TIAM2: variants seen among roughly 807,000 people sequenced by gnomAD.
TIAM2 encodes rho guanine nucleotide exchange factor TIAM2.
A neutral mutation model predicts 152.9 loss-of-function variants in TIAM2; 80 were observed. That is an observed-to-expected ratio of 0.52 (90% CI 0.44 to 0.63). TIAM2 has a LOEUF of 0.63. Ranked by LOEUF, TIAM2 falls within the 30% of genes least tolerant of loss-of-function variation. TIAM2 has a pLI of 0.00. For synonymous variants in TIAM2, 804 were observed against 838.0 expected, an observed-to-expected ratio of 0.96 and a Z score of 0.70; for missense variants, 1,965 against 2,120.1, an observed-to-expected ratio of 0.93 and a Z score of 1.44.
chr6:155,078,783 C>G (rs1024932017), intron 1 of TIAM2, among the ~76,000 whole-genome samples: 20 of 152,142 alleles, frequency 1.3e-4, no homozygotes, highest in Admixed American at 6.5e-5. Context: ...AAGTAGATTC[C>G]ACACACTCTT....
intron 14 of TIAM2, among the ~76,000 whole-genome samples, chr6:155,202,930 A>G (rs1009249551): frequency 2.0e-5 from 3 of 150,946 alleles, no homozygotes; most frequent in Admixed American, 2.0e-4. Context: ...GCATGCACCC[A>G]TAGTTCCAGC....
chr6:155,084,438 G>A (rs891183898), intron 1 of TIAM2, among the ~76,000 whole-genome samples: 1 of 152,182 alleles, frequency 6.6e-6, no homozygotes, highest in Non-Finnish European at 1.5e-5. Context: ...TTGTATCCTT[G>A]AGTTTTGTCA....
At chr6:155,053,888 A>G (rs1474255808) in intron 1 of TIAM2, among the ~76,000 whole-genome samples, 1 of 152,176 alleles carries the variant, frequency 6.6e-6, no homozygotes, top group Non-Finnish European at 1.5e-5. Context: ...GCATTAAAAC[A>G]CTGTTAGGGT....
At chr6:155,151,586 T>C (rs1290221317) in intron 7 of TIAM2, among the ~76,000 whole-genome samples, 1 of 152,166 alleles carries the variant, frequency 6.6e-6, no homozygotes, top group East Asian at 1.9e-4. Context: ...TATTTTATAC[T>C]CTGCTTTCAG....
At chr6:155,205,628 G>T (rs1170917639) in intron 14 of TIAM2, among the ~76,000 whole-genome samples, 2 of 152,162 alleles carry the variant, frequency 1.3e-5, no homozygotes. Flanking sequence ...GGGATTATGG[G>T]ATGGCATCAG....
chr6:155,257,030 C>G lies in TIAM2; in HGVS notation c.5015C>G (p.Ser1672Cys). 1 of 1,614,192 alleles carries G rather than the reference C, an allele frequency of 6.2e-7. No homozygotes were observed. Among genetic ancestry groups the G allele is most frequent in the Non-Finnish European group, 8.5e-7 (1 of 1,180,034 alleles). ...GAAAATGCCACCATCGACCTAAATTCTGTTCTAGAGCGAGAATTCAGTGTC... is the reference window on the plus strand; with the variant it reads ...GAAAATGCCACCATCGACCTAAATTGTGTTCTAGAGCGAGAATTCAGTGTC... ...QSENATIDLN[S>C]VLEREFSVQS... Residue 1672 changes from serine to cysteine, a missense_variant, in exon 27 of 27, where the codon TCT (serine) becomes TGT (cysteine). Around this residue, in one of 3 missense-constraint regions of TIAM2, gnomAD observed 935 missense variants for 980.0 expected, o/e 0.95. Coordinates refer to ENST00000682666, the MANE Select transcript of TIAM2 (RefSeq NM_012454.4).
intron 15 of TIAM2, among the ~76,000 whole-genome samples, chr6:155,223,756 G>C (rs940760962): frequency 1.3e-5 from 2 of 152,078 alleles, no homozygotes; most frequent in Non-Finnish European, 2.9e-5. Flanking sequence ...GGACTAGGAG[G>C]GGTGTTTTTT....
chr6:155,086,582 C>T (rs538151967), intron 1 of TIAM2, among the ~76,000 whole-genome samples: 11 of 151,888 alleles, frequency 7.2e-5, no homozygotes, highest in Non-Finnish European at 1.2e-4. Context: ...TGGCGTGCAC[C>T]TGTAATCCCG....
chr6:155,209,614 G>A (rs1172338848), intron 14 of TIAM2, among the ~76,000 whole-genome samples: 1 of 152,118 alleles, frequency 6.6e-6, no homozygotes, highest in African/African-American at 2.4e-5. Flanking sequence ...TGCCTTTCGG[G>A]TCAGCACTGC....
At chr6:155,134,984 C>A (rs1055866426) in intron 4 of TIAM2, among the ~76,000 whole-genome samples, 1 of 152,012 alleles carries the variant, frequency 6.6e-6, no homozygotes. Flanking sequence ...GGATTACAGG[C>A]GTGAGCCACC....
At chr6:155,252,832 C>A in intron 23 of TIAM2, 116 bp from the exon 24 acceptor site, 3 of 877,386 alleles carry the variant, frequency 3.4e-6, no homozygotes, top group South Asian at 3.2e-5. Context: ...TGAACACCCA[C>A]ATGGCTGCTC....
intron 1 of TIAM2, chr6:155,013,698 T>C (rs1430966185): frequency 6.6e-6 from 1 of 152,070 alleles, no homozygotes; most frequent in Non-Finnish European, 1.5e-5. Context: ...CTGACAGCTG[T>C]TTAAATTATC....
intron 1 of TIAM2, among the ~76,000 whole-genome samples, chr6:155,053,508 G>T (rs556690677): frequency 7.4e-6 from 1 of 134,586 alleles, no homozygotes; most frequent in African/African-American, 2.8e-5. Flanking sequence ...GTCTTGCCCC[G>T]TCGTCCAGGC....
At chr6:155,212,533 CAATGAT>C (rs921394745) in intron 15 of TIAM2, among the ~76,000 whole-genome samples, 27 of 152,304 alleles carry the variant, frequency 1.8e-4, no homozygotes, top group African/African-American at 5.8e-4. Flanking sequence ...GAAATAGAAG[CAATGAT>C]AGGCATTTAA....
intron 3 of TIAM2, among the ~76,000 whole-genome samples, 191 bp downstream of exon 3, chr6:155,127,791 T>C (rs1371777895): frequency 2.6e-5 from 4 of 152,154 alleles, no homozygotes; most frequent in Non-Finnish European, 5.9e-5. Context: ...GAATTAAAAA[T>C]AAAAAGCCTA....
intron 1 of TIAM2, among the ~76,000 whole-genome samples, chr6:155,073,536 A>G (rs1035593937): frequency 2.6e-5 from 4 of 152,188 alleles, no homozygotes; most frequent in African/African-American, 9.7e-5. Context: ...GTGATATTAT[A>G]CAGATATTTC....
At chr6:155,118,533 AG>A (rs1779070960) in intron 2 of TIAM2, among the ~76,000 whole-genome samples, 1 of 147,934 alleles carries the variant, frequency 6.8e-6, no homozygotes, top group East Asian at 2.0e-4. Context: ...CCTGGATTCA[AG>A]TGTTTCTCCT....
At chr6:155,244,508 T>A in intron 17 of TIAM2, 150 bp from the exon 18 acceptor site, 1 of 917,832 alleles carries the variant, frequency 1.1e-6, no homozygotes, top group Non-Finnish European at 1.6e-6. Flanking sequence ...CCATATCCCA[T>A]AATGAATGTG....
chr6:155,219,512 C>T (rs1488030381), intron 15 of TIAM2, among the ~76,000 whole-genome samples: 1 of 152,242 alleles, frequency 6.6e-6, no homozygotes, highest in Non-Finnish European at 1.5e-5. Context: ...TAACGCCACA[C>T]TTCCTTGGCA....
Sources: allele counts gnomAD v4.1 joint callset (sites outside exome capture counted in the v4.1 genomes callset), GRCh38; gene constraint gnomAD v4.1.1; regional missense constraint gnomAD v4.1.1; transcripts MANE v1.5; gene names NCBI Gene and HGNC (gene_info 2026-07-23, HGNC 2026-07-21).